The following VPS13A variants were observed in gnomAD, a reference collection of about 807,000 sequenced individuals.
VPS13A encodes the protein vacuolar protein sorting 13 homolog A.
In VPS13A, 264 loss-of-function variants were observed where a neutral mutation model predicts 390.9. The ratio of observed to expected loss-of-function variants is 0.68; its 90% CI spans 0.61 to 0.75. The LOEUF is 0.75. Among genes scored for constraint, VPS13A ranks in the 30% least tolerant of loss-of-function variants. The probability of loss-of-function intolerance (pLI) is 0.00; values close to 1 mark genes in which losing one functional copy is unlikely to be tolerated. For missense variants in VPS13A, 3,409 were observed against 3,733.9 expected (o/e 0.91, Z 2.27); for synonymous variants, 1,231 against 1,227.1 (o/e 1.00, Z -0.07).
chr9:77,227,157 C>G (rs1564646033), intron 15 of VPS13A, among the ~76,000 whole-genome samples: 1 of 152,094 alleles, frequency 6.6e-6, no homozygotes, highest in Non-Finnish European at 1.5e-5. Flanking sequence ...CGTTTTTGAG[C>G]TCTTGCTTAA....
At chr9:77,313,673 T>C (rs1345689416) in intron 35 of VPS13A, among the ~76,000 whole-genome samples, 1 of 152,190 alleles carries the variant, frequency 6.6e-6, no homozygotes, top group African/African-American at 2.4e-5. Context: ...ATATGCATTT[T>C]ACATGTGCTA....
rs752724836 is a variant in VPS13A at position 77,351,427 on chromosome 9, G to C, written c.7400G>C (p.Gly2467Ala). ...AAGTGGAGATGTAGAAAAAGCCATGGTGAAGTAACACAGAAGGATGTAAGT... is the reference window on the plus strand; with the variant it reads ...AAGTGGAGATGTAGAAAAAGCCATGCTGAAGTAACACAGAAGGATGTAAGT... ...RLKWRCRKSHGEVTQKDDMMM... is the reference protein window; with the variant it reads ...RLKWRCRKSHAEVTQKDDMMM... The change falls in exon 53 of 72, where the codon GGT becomes GCT. Residue 2467 changes from glycine to alanine, a missense_variant. Gly to Ala is a moderately conservative substitution (Grantham distance 60). This residue lies in a region of VPS13A where 2,717 missense variants were observed against 2,917.4 expected (regional missense o/e 0.93). Coordinates refer to ENST00000360280, the MANE Select transcript of VPS13A (RefSeq NM_033305.3). 14 of 1,613,636 alleles carry C rather than the reference G, an allele frequency of 8.7e-6. No individual in the cohort carries two copies. Among genetic ancestry groups the C allele is most frequent in the Non-Finnish European group, 1.2e-5 (14 of 1,179,692 alleles).
chr9:77,399,181 T>TAAAAAAAAAAAAAAAAAAA (rs1223344360), intron 68 of VPS13A, among the ~76,000 whole-genome samples: 159 of 34,636 alleles, frequency 4.6e-3, no homozygotes, highest in Non-Finnish European at 6.4e-3. Context: ...AAAAAAAAAA[T>TAAAAAAAAAAAAAAAAAAA]AAAAAAAAAA....
chr9:77,280,169 G>A lies in VPS13A; in HGVS notation c.2835G>A (p.Lys945=). The A allele has an allele frequency of 1.9e-6, 3 of 1,608,772 alleles. No individual in the cohort carries two copies. The highest frequency in any genetic ancestry group is 2.7e-5 in the African/African-American group (2 of 74,902). The change falls in exon 27 of 72, where the codon AAG becomes AAA. Residue 945 remains lysine (K), a synonymous_variant. Transcript: ENST00000360280. ...AAAAATTATTTTTAGATGAAAACAA[G>A]AAACCAGTTTATTTGGTTACAACCC... ...LKCPEYLDEN[K]KPVYLVTTLD...
chr9:77,279,131 T>C (rs974359577), intron 26 of VPS13A, among the ~76,000 whole-genome samples: 67 of 152,320 alleles, frequency 4.4e-4, no homozygotes, highest in African/African-American at 1.6e-3. Context: ...CAGGGGGCCA[T>C]TGTGACTGCC....
intron 71 of VPS13A, among the ~76,000 whole-genome samples, chr9:77,408,816 G>C (rs1587732582): frequency 6.6e-6 from 1 of 152,224 alleles, no homozygotes; most frequent in Non-Finnish European, 1.5e-5. Flanking sequence ...ACTGGGTGGA[G>C]CCCACCACAG....
chr9:77,302,099 A>G (rs1828400900), intron 33 of VPS13A, among the ~76,000 whole-genome samples: 1 of 151,958 alleles, frequency 6.6e-6, no homozygotes, highest in African/African-American at 2.4e-5. Flanking sequence ...CTGGGATTAC[A>G]GGTGCCCACC....
chr9:77,247,375 T>C lies in VPS13A; in HGVS notation c.2017T>C (p.Leu673=), dbSNP rs1824875768. 3.7e-6 allele frequency: 6 copies of C among 1,612,540 alleles called. No homozygotes were observed. In the African/African-American group the frequency reaches 8.0e-5, roughly 21 times the overall value. ...TAGTCCTACATCAAATCTGCTTCTT[T>C]TGGACCTTGGTCATCTAAAGGTATA... ...IFSPTSNLLL[L]DLGHLKVTSK... Residue 673 remains leucine (L), a synonymous_variant, in exon 20 of 72, where the codon TTG becomes CTG. Transcript: ENST00000360280.
chr9:77,179,232 T>A (rs987454147), intron 1 of VPS13A, among the ~76,000 whole-genome samples: 1 of 152,238 alleles, frequency 6.6e-6, no homozygotes, highest in African/African-American at 2.4e-5. Context: ...TTTATTTGTT[T>A]AAAATTTACA....
chr9:77,314,050 G>C lies in VPS13A; in HGVS notation c.4173G>C (p.Lys1391Asn), dbSNP rs1220938020. The C allele has an allele frequency of 6.2e-7, 1 of 1,613,382 alleles. No homozygotes were observed. The highest frequency in any genetic ancestry group is 8.5e-7 in the Non-Finnish European group (1 of 1,179,612). ...VEVHSRALLVKTTLNISFKTD... is the reference protein window; with the variant it reads ...VEVHSRALLVNTTLNISFKTD... ...TACATTCACGTGCCTTACTAGTTAA[G>C]ACAACACTAAACATAAGCTTCAAAA... The change falls in exon 36 of 72, where the codon AAG (lysine) becomes AAC (asparagine). Residue 1391 changes from lysine to asparagine, a missense_variant. This residue lies in a region of VPS13A where 2,717 missense variants were observed against 2,917.4 expected (regional missense o/e 0.93). Coordinates refer to ENST00000360280, the MANE Select transcript of VPS13A (RefSeq NM_033305.3).
intron 23 of VPS13A, among the ~76,000 whole-genome samples, chr9:77,261,555 T>G (rs1194011945): frequency 6.6e-6 from 1 of 151,724 alleles, no homozygotes; most frequent in East Asian, 1.9e-4. Context: ...GGATGTGAAT[T>G]TTAAATTTTG....
At position 77,416,077 on chromosome 9, in the gene VPS13A, T is replaced by G. The variant is rs1835159796; in HGVS notation, c.*71T>G. The G allele has an allele frequency of 2.7e-5, 42 of 1,549,134 alleles. No homozygotes were observed. The highest frequency in any genetic ancestry group is 3.7e-5 in the Non-Finnish European group (41 of 1,122,000). ...CCTAGACTACCTTCCAAAACCTGTT[T>G]GGGAAGCATATTACAGAAATGATTT... On this transcript the variant is annotated 3_prime_UTR_variant, in exon 72 of 72. Coordinates refer to ENST00000360280, the MANE Select transcript of VPS13A (RefSeq NM_033305.3).
At position 77,290,550 on chromosome 9, in the gene VPS13A, T is replaced by C. The variant is rs1827590496; in HGVS notation, c.3340-2791T>C. Among the ~76,000 whole-genome samples the C allele has an allele frequency of 2.6e-5, 4 of 152,068 alleles. 1 individual carries two copies. Among genetic ancestry groups the C allele is most frequent in the African/African-American group, 9.7e-5 (4 of 41,382 alleles). ...CTCCTCCACTTTTTCCCTGTTCCTC[T>C]TCTTGAATTCCTGAAATTCTTGCTG... On this transcript the variant is annotated intron_variant, in intron 31 of 71. Coordinates refer to ENST00000360280, the MANE Select transcript of VPS13A (RefSeq NM_033305.3).
At chr9:77,310,237 G>C (rs1247953329) in intron 35 of VPS13A, among the ~76,000 whole-genome samples, 1 of 152,040 alleles carries the variant, frequency 6.6e-6, no homozygotes, top group Non-Finnish European at 1.5e-5. Flanking sequence ...GCCTACTCAG[G>C]AGTGCACTGA....
chr9:77,264,419 A>G (rs984642043), intron 23 of VPS13A, among the ~76,000 whole-genome samples: 16 of 152,166 alleles, frequency 1.1e-4, no homozygotes, highest in Admixed American at 7.2e-4. Flanking sequence ...GATTCTTCCT[A>G]TCAGTGAGCA....
intron 17 of VPS13A, among the ~76,000 whole-genome samples, chr9:77,230,922 A>C (rs1329568782): frequency 1.3e-5 from 2 of 150,502 alleles, no homozygotes; most frequent in African/African-American, 4.8e-5. Context: ...TTAAAATTTG[A>C]ACAACGTTTT....
At chr9:77,356,654 G>C in intron 54 of VPS13A, 60 bp from the exon 55 acceptor site, 1 of 1,523,734 alleles carries the variant, frequency 6.6e-7, no homozygotes, top group Non-Finnish European at 8.9e-7. Context: ...TAATAAACCA[G>C]TTAAAATAAA....
intron 54 of VPS13A, 127 bp from the exon 55 acceptor site, chr9:77,356,587 A>G (rs1490519720): frequency 2.4e-5 from 25 of 1,032,376 alleles, no homozygotes; most frequent in Admixed American, 4.3e-5. Flanking sequence ...AATTTGTAAT[A>G]TGCTCACTTG....
intron 59 of VPS13A, among the ~76,000 whole-genome samples, chr9:77,362,155 T>C (rs1171033430): frequency 6.6e-6 from 1 of 151,834 alleles, no homozygotes; most frequent in Non-Finnish European, 1.5e-5. Flanking sequence ...AATCAAAAGT[T>C]AAAGTTAATG....
Sources: allele counts gnomAD v4.1 joint callset (sites outside exome capture counted in the v4.1 genomes callset), GRCh38; gene constraint gnomAD v4.1.1; regional missense constraint gnomAD v4.1.1; transcripts MANE v1.5; gene names NCBI Gene and HGNC (gene_info 2026-07-23, HGNC 2026-07-21).